The following CAMKK2 variants were observed in gnomAD, a reference collection of about 807,000 sequenced individuals.
CAMKK2 encodes the protein calcium/calmodulin-dependent protein kinase kinase 2.
In CAMKK2, 30 loss-of-function variants were observed where a neutral mutation model predicts 67.2. The ratio of observed to expected loss-of-function variants is 0.45; its 90% CI spans 0.33 to 0.61. The LOEUF (loss-of-function observed/expected upper bound fraction) is 0.61, where lower values mean the gene tolerates loss of function less well. CAMKK2 is among the 20% of genes least tolerant of loss of function. The pLI is 0.02. For synonymous variants in CAMKK2, 322 were observed against 326.2 expected, an observed-to-expected ratio of 0.99 and a Z score of 0.14; for missense variants, 643 against 802.0, an observed-to-expected ratio of 0.80 and a Z score of 2.39.
rs63023660 is a variant in CAMKK2, at chr12:121,240,524, CT to C, written c.*174del. On this transcript the variant is annotated 3_prime_UTR_variant, in exon 17 of 17. Transcript: ENST00000404169. The surrounding 1 kb of genome is among the most constrained non-coding windows in gnomAD (Gnocchi z 4.4). ...ACGGTCGACGTCATGGAGTCAAGTC[CT>C]TTTTTTTTTTTTGTCCCCTTTAAAA... 0.05 allele frequency: 61,958 copies of C among 1,248,752 alleles called. No individual in the cohort carries two copies. Among genetic ancestry groups the C allele is most frequent in the South Asian group, 0.1 (6,179 of 61,704 alleles). 77.4% of individuals were successfully genotyped at this position (1,248,752 alleles called of 1,614,324 possible).
At position 121,265,409 on chromosome 12, in the gene CAMKK2, C is replaced by T. The variant is rs192995451; in HGVS notation, c.626-1470G>A. ...AGCTGACCATCAGGAGAGCGTTCCA[C>T]TGCCTGCTGGGGAAAGGGAGGTGCT... On this transcript the variant is annotated intron_variant, in intron 5 of 16. Transcript: ENST00000404169. 5.9e-5 allele frequency among the ~76,000 whole-genome samples: 9 copies of T among 152,242 alleles called. No individual in the cohort carries two copies. The East Asian group carries it at 1.7e-3, about 29-fold the overall frequency.
Position 121,240,532 on chromosome 12 carries a change from T to C in CAMKK2, c.*167A>G, listed in dbSNP as rs1888157092. On this transcript the variant is annotated 3_prime_UTR_variant, in exon 17 of 17. Transcript: ENST00000404169. The surrounding 1 kb of genome is among the most constrained non-coding windows in gnomAD (Gnocchi z 4.4). ...CGTCATGGAGTCAAGTCCTTTTTTT[T>C]TTTTTGTCCCCTTTAAAACAACAAA... The C allele has an allele frequency of 1.3e-6, 2 of 1,535,012 alleles. No homozygotes were observed. Among genetic ancestry groups the C allele is most frequent in the Non-Finnish European group, 1.7e-6 (2 of 1,146,602 alleles).
chr12:121,253,898 G>A lies in CAMKK2; in HGVS notation c.908-426C>T, dbSNP rs1235451574. On this transcript the variant is annotated intron_variant, in intron 9 of 16. Transcript: ENST00000404169. The surrounding 1 kb of genome is among the most constrained non-coding windows in gnomAD (Gnocchi z 5.0). ...TGATTTACCAAACCGACAATGACCT[G>A]AGCAGGCCGATTTGAAATGTGAACC... is the stretch of plus-strand genomic sequence containing the variant. 6.6e-6 allele frequency among the ~76,000 whole-genome samples: 1 copy of A among 152,178 alleles called. No individual in the cohort carries two copies. Among genetic ancestry groups the A allele is most frequent in the Non-Finnish European group, 1.5e-5 (1 of 68,040 alleles).
At chr12:121,284,008 A>G (rs559701753) in intron 1 of CAMKK2, among the ~76,000 whole-genome samples, 1 of 152,338 alleles carries the variant, frequency 6.6e-6, no homozygotes, top group African/African-American at 2.4e-5. Context: ...AGCACGCCAC[A>G]GTCCTCACCA....
chr12:121,270,109 C>T (rs915458682), intron 3 of CAMKK2, among the ~76,000 whole-genome samples: 4 of 150,244 alleles, frequency 2.7e-5, no homozygotes, highest in East Asian at 2.0e-4. Context: ...AGGTGGCTTA[C>T]ACCTGTAATC....
chr12:121,255,834 C>G (rs1892170904), intron 7 of CAMKK2, 30 bp from the exon 8 acceptor site: 5 of 1,611,398 alleles, frequency 3.1e-6, no homozygotes, highest in Non-Finnish European at 4.2e-6. Flanking sequence ...GAAACTGTTA[C>G]ATGGGAAACT....
At chr12:121,268,596 T>C in intron 5 of CAMKK2, 42 bp downstream of exon 5, 1 of 1,588,812 alleles carries the variant, frequency 6.3e-7, no homozygotes, top group African/African-American at 1.3e-5. Flanking sequence ...CCCTGTCTTG[T>C]CCCAGCCCCT....
At chr12:121,251,311 T>C (rs1297564306) in intron 11 of CAMKK2, among the ~76,000 whole-genome samples, 1 of 152,140 alleles carries the variant, frequency 6.6e-6, no homozygotes, top group Admixed American at 6.6e-5. Context: ...TATAGTAGAA[T>C]CCAGGTGGTG....
rs71453546 is a variant in CAMKK2 at position 121,255,277 on chromosome 12, A to ATT, written c.907+271_907+272dup. On this transcript the variant is annotated intron_variant, in intron 9 of 16. Coordinates refer to ENST00000404169, the MANE Select transcript of CAMKK2 (RefSeq NM_001270485.2). ...ATATATATAATTTTATATATATATAATTATATATATAATTATATATATAAT... is the reference window on the plus strand; with the variant it reads ...ATATATATAATTTTATATATATATAATTTTATATATATAATTATATATATAAT... 2.7e-4 allele frequency among the ~76,000 whole-genome samples: 17 copies of ATT among 62,994 alleles called. 2 individuals carry two copies. The highest frequency in any genetic ancestry group is 9.7e-4 in the African/African-American group (15 of 15,418). The allele number at this position is 62,994 out of a possible 152,430, so 41.3% of individuals were successfully genotyped here. A position where few individuals can be genotyped will look rare whatever the true frequency, so the allele number is the denominator to read the frequency against.
At chr12:121,263,783 C>G in intron 6 of CAMKK2, 23 bp downstream of exon 6, 1 of 1,587,764 alleles carries the variant, frequency 6.3e-7, no homozygotes. Flanking sequence ...CTCCCTCCCT[C>G]CTGGGCGCCT....
chr12:121,276,524 C>T (rs1364027466), intron 1 of CAMKK2, among the ~76,000 whole-genome samples: 1 of 152,130 alleles, frequency 6.6e-6, no homozygotes, highest in Non-Finnish European at 1.5e-5. Flanking sequence ...CAATTCTTAC[C>T]GTCTCTGGGA....
chr12:121,249,271 T>A (rs1890151599), intron 13 of CAMKK2, among the ~76,000 whole-genome samples: 1 of 152,198 alleles, frequency 6.6e-6, no homozygotes, highest in Non-Finnish European at 1.5e-5. Flanking sequence ...GCCTAGGAAG[T>A]CCCAGGGCAA....
chr12:121,253,545 G>A lies in CAMKK2; in HGVS notation c.908-73C>T. ...GTGAGCACCTCTATGCGGCCACATGGCCTGGAGACACAGGCATGGCACCCC... is the reference window on the plus strand; with the variant it reads ...GTGAGCACCTCTATGCGGCCACATGACCTGGAGACACAGGCATGGCACCCC... On this transcript the variant is annotated intron_variant, in intron 9 of 16. Transcript: ENST00000404169. The surrounding 1 kb of genome is among the most constrained non-coding windows in gnomAD (Gnocchi z 5.0). 1 of 1,285,014 alleles carries A rather than the reference G, an allele frequency of 7.8e-7. No individual in the cohort carries two copies. Among genetic ancestry groups the A allele is most frequent in the Non-Finnish European group, 1.1e-6 (1 of 884,800 alleles). The allele number at this position is 1,285,014 out of a possible 1,614,324, so 79.6% of individuals were successfully genotyped here. A position where few individuals can be genotyped will look rare whatever the true frequency, so the allele number is the denominator to read the frequency against.
intron 1 of CAMKK2, among the ~76,000 whole-genome samples, chr12:121,288,022 T>G (rs962669142): frequency 1.3e-5 from 2 of 152,152 alleles, no homozygotes; most frequent in African/African-American, 2.4e-5. Flanking sequence ...CAGGTGTGCA[T>G]GGGTGGCCCC....
At chr12:121,281,659 T>G (rs1009333832) in intron 1 of CAMKK2, among the ~76,000 whole-genome samples, 6 of 152,146 alleles carry the variant, frequency 3.9e-5, no homozygotes, top group African/African-American at 1.4e-4. Context: ...TAAAAGTAGG[T>G]GCACAAGGCC....
intron 16 of CAMKK2, among the ~76,000 whole-genome samples, chr12:121,242,755 T>TC (rs1888618029): frequency 6.6e-6 from 1 of 152,228 alleles, no homozygotes; most frequent in South Asian, 2.1e-4. Flanking sequence ...CTTTTCTTTT[T>TC]TTTTTGAGAC....
Position 121,238,727 on chromosome 12 carries a change from G to A in CAMKK2, c.*1972C>T, listed in dbSNP as rs1887912636. ...CTGTGTAAACAAGAGAAGCCCTGCAGAAGCTCTAAGCACTGCTGCCCCCTG... is the reference window on the plus strand; with the variant it reads ...CTGTGTAAACAAGAGAAGCCCTGCAAAAGCTCTAAGCACTGCTGCCCCCTG... On this transcript the variant is annotated 3_prime_UTR_variant, in exon 17 of 17. Transcript: ENST00000404169. The A allele has an allele frequency of 6.6e-6, 1 of 152,656 alleles. No homozygotes were observed. Among genetic ancestry groups the A allele is most frequent in the South Asian group, 2.1e-4 (1 of 4,828 alleles). The allele number at this position is 152,656 out of a possible 1,614,324, so 9.5% of individuals were successfully genotyped here. A position where few individuals can be genotyped will look rare whatever the true frequency, so the allele number is the denominator to read the frequency against.
intron 1 of CAMKK2, among the ~76,000 whole-genome samples, chr12:121,286,882 G>A (rs557121410): frequency 2.0e-5 from 3 of 152,024 alleles, no homozygotes; most frequent in Admixed American, 6.6e-5. Flanking sequence ...CTGAATTCAC[G>A]ACCCTCAGTT....
Position 121,292,443 on chromosome 12 carries a change from T to A in CAMKK2, c.-60+4195A>T, listed in dbSNP as rs190829180. ...CGTGCCCAGCCCTCCTCAATTTTTT[T>A]AAAAAGAAGCCCTTACGAATCTCTA... On this transcript the variant is annotated intron_variant, in intron 1 of 16. Coordinates refer to ENST00000404169, the MANE Select transcript of CAMKK2 (RefSeq NM_001270485.2). Among the ~76,000 whole-genome samples the A allele has an allele frequency of 7.0e-3, 1,069 of 152,190 alleles. 16 individuals are homozygous for A. The highest frequency in any genetic ancestry group is 0.024 in the African/African-American group (991 of 41,510).
Sources: allele counts gnomAD v4.1 joint callset (sites outside exome capture counted in the v4.1 genomes callset), GRCh38; gene constraint gnomAD v4.1.1; non-coding constraint Gnocchi (gnomAD v3.1); transcripts MANE v1.5; gene names NCBI Gene and HGNC (gene_info 2026-07-23, HGNC 2026-07-21).